CLVS1: variants seen among roughly 807,000 people sequenced by gnomAD.
CLVS1 encodes the protein clavesin-1.
CLVS1 carries 10 observed loss-of-function variants against 33.1 expected under a neutral mutation model. That is an observed-to-expected ratio of 0.30 (90% CI 0.19 to 0.51). The LOEUF is 0.51. Ranked by LOEUF, CLVS1 falls within the 20% of genes least tolerant of loss-of-function variation. The probability of loss-of-function intolerance (pLI) is 0.97; values close to 1 mark genes in which losing one functional copy is unlikely to be tolerated. For synonymous variants in CLVS1, 163 were observed against 166.1 expected (o/e 0.98, Z 0.14); for missense variants, 343 against 433.4 (o/e 0.79, Z 1.85).
chr8:61,009,978 T>C, the CLVS1 span, among the ~76,000 whole-genome samples: 2 of 152,176 alleles, frequency 1.3e-5, no homozygotes, highest in Non-Finnish European at 2.9e-5. Context: ...ATTATTACCA[T>C]TGAGCTGATG....
chr8:61,267,347 T>C (rs370763160), intron 2 of CLVS1, among the ~76,000 whole-genome samples: 9 of 152,208 alleles, frequency 5.9e-5, no homozygotes, highest in African/African-American at 1.9e-4. Flanking sequence ...TAAATTTGTG[T>C]TGTGTTCCTG....
chr8:61,076,279 A>G (rs1448727721), intron 1 of CLVS1, among the ~76,000 whole-genome samples: 1 of 151,094 alleles, frequency 6.6e-6, no homozygotes, highest in Admixed American at 6.6e-5. Flanking sequence ...ACAGTTTATG[A>G]TTATGTTTAT....
At chr8:61,202,552 G>A (rs1456373186) in intron 2 of CLVS1, 29 of 1,173,250 alleles carry the variant, frequency 2.5e-5, no homozygotes, top group Non-Finnish European at 3.2e-5. Context: ...AATGAATTAC[G>A]AAGGCAGCCC....
At chr8:61,180,637 C>T (rs1807209995) in intron 2 of CLVS1, among the ~76,000 whole-genome samples, 1 of 152,194 alleles carries the variant, frequency 6.6e-6, no homozygotes, top group African/African-American at 2.4e-5. Flanking sequence ...AAAGCTTATT[C>T]ACCATGATCA....
intron 5 of CLVS1, among the ~76,000 whole-genome samples, chr8:61,479,896 C>T (rs536333742): frequency 5.3e-5 from 8 of 152,304 alleles, no homozygotes; most frequent in East Asian, 1.9e-4. Context: ...TGCAGAACAG[C>T]GGATATTGGT....
Position 61,300,179 on chromosome 8 carries a change from A to C in CLVS1, c.352A>C (p.Ile118Leu). ...AAACTTCAAGGCAGATGATCCCGGC[A>C]TTAAGAGGGCTCTGATCGATGGGTT... Reference protein sequence around the residue: ...FKNFKADDPGIKRALIDGFPG... With the variant: ...FKNFKADDPGLKRALIDGFPG... The change falls in exon 2 of 6, where the codon ATT becomes CTT. Residue 118 changes from isoleucine (I) to leucine (L), a missense_variant. This residue lies in a region of CLVS1 where 166 missense variants were observed against 244.0 expected (regional missense o/e 0.68). Coordinates refer to ENST00000325897, the MANE Select transcript of CLVS1 (RefSeq NM_173519.3). 6.2e-7 allele frequency: 1 copy of C among 1,614,032 alleles called. No homozygotes were observed. Among genetic ancestry groups the C allele is most frequent in the South Asian group, 1.1e-5 (1 of 91,078 alleles).
At chr8:61,127,318 C>T (rs1393688590) in intron 1 of CLVS1, among the ~76,000 whole-genome samples, 1 of 151,878 alleles carries the variant, frequency 6.6e-6, no homozygotes, top group Non-Finnish European at 1.5e-5. Context: ...GGGTTGAAGC[C>T]ATTCTTCTGC....
chr8:61,232,023 G>GTTTGTTTGTTTGTTTGTTTGTTT, intron 2 of CLVS1, among the ~76,000 whole-genome samples: 2 of 62,628 alleles, frequency 3.2e-5, no homozygotes, highest in African/African-American at 9.5e-5. Context: ...GAAAGTTGTG[G>GTTTGTTTGTTTGTTTGTTTGTTT]TTTTTTTTTT....
intron 2 of CLVS1, among the ~76,000 whole-genome samples, chr8:61,271,344 C>T (rs1466657229): frequency 1.3e-5 from 2 of 150,536 alleles, no homozygotes; most frequent in African/African-American, 2.5e-5. Context: ...ATTCTTAATC[C>T]TGAGTTCTAG....
At position 61,375,226 on chromosome 8, in the gene CLVS1, A is replaced by G. The variant is rs530749058; in HGVS notation, c.456-1379A>G. On this transcript the variant is annotated intron_variant, in intron 2 of 5. Transcript: ENST00000325897. ...AACACTGAGTTTCTACCAGGCATTT[A>G]GTATATTCTTAGTGGCTTGCATTTT... 5.3e-5 allele frequency among the ~76,000 whole-genome samples: 8 copies of G among 150,304 alleles called. 1 individual carries two copies. In the East Asian group the frequency reaches 1.6e-3, roughly 30 times the overall value.
intron 1 of CLVS1, among the ~76,000 whole-genome samples, chr8:61,110,275 T>G (rs941203856): frequency 3.3e-5 from 5 of 152,174 alleles, no homozygotes; most frequent in Non-Finnish European, 7.3e-5. Flanking sequence ...GGAGCTGCCC[T>G]GACAACCCAG....
At chr8:61,040,155 T>G in the CLVS1 span, among the ~76,000 whole-genome samples, 1 of 152,224 alleles carries the variant, frequency 6.6e-6, no homozygotes, top group African/African-American at 2.4e-5. Context: ...ACATCCATAT[T>G]TCTGCAAAGG....
At chr8:61,184,395 A>G (rs963245582) in intron 2 of CLVS1, among the ~76,000 whole-genome samples, 2 of 152,216 alleles carry the variant, frequency 1.3e-5, no homozygotes, top group African/African-American at 2.4e-5. Flanking sequence ...CAATATATGT[A>G]CAAGAAAAAG....
chr8:61,428,307 A>G (rs1328441589), intron 3 of CLVS1, among the ~76,000 whole-genome samples: 1 of 152,216 alleles, frequency 6.6e-6, no homozygotes, highest in Non-Finnish European at 1.5e-5. Context: ...ACATGTGTCA[A>G]CTGTGTGCTG....
intron 2 of CLVS1, among the ~76,000 whole-genome samples, chr8:61,207,897 C>G (rs1213627585): frequency 1.3e-5 from 2 of 152,184 alleles, no homozygotes; most frequent in African/African-American, 2.4e-5. Flanking sequence ...GTTTACCTGG[C>G]TTTTCAGACA....
At chr8:61,342,258 C>A (rs1342525301) in intron 2 of CLVS1, among the ~76,000 whole-genome samples, 1 of 152,160 alleles carries the variant, frequency 6.6e-6, no homozygotes, top group Admixed American at 6.5e-5. Flanking sequence ...CCGGCTTAGG[C>A]TCCTTTTAAT....
chr8:61,410,598 T>A (rs913438908), intron 3 of CLVS1, among the ~76,000 whole-genome samples: 5 of 152,120 alleles, frequency 3.3e-5, no homozygotes, highest in Non-Finnish European at 7.4e-5. Flanking sequence ...CCCGCCCCAC[T>A]CTCCACTCCA....
At chr8:61,058,280 T>C in intron 1 of CLVS1, among the ~76,000 whole-genome samples, 1 of 152,190 alleles carries the variant, frequency 6.6e-6, no homozygotes, top group Non-Finnish European at 1.5e-5. Flanking sequence ...ATGTGTTTAC[T>C]GCATGGATCA....
At chr8:61,353,401 A>T (rs549355089) in intron 2 of CLVS1, among the ~76,000 whole-genome samples, 2 of 152,204 alleles carry the variant, frequency 1.3e-5, no homozygotes, top group South Asian at 4.1e-4. Flanking sequence ...GAAAACACAA[A>T]AATCTCAGAA....
Sources: gnomAD v4.1 joint callset for allele counts (sites outside exome capture counted in the v4.1 genomes callset) on GRCh38, gnomAD v4.1.1 for gene constraint, gnomAD v4.1.1 regional missense constraint, MANE v1.5 for transcripts, NCBI Gene and HGNC (gene_info 2026-07-23, HGNC 2026-07-21) for gene names.